Variants in CCDC18 observed in about 807,000 individuals in gnomAD.
CCDC18 encodes the protein coiled-coil domain containing 18, also known as coiled-coil domain-containing protein 18.
CCDC18 carries 157 observed loss-of-function variants against 196.0 expected under a neutral mutation model. The ratio of observed to expected loss-of-function variants is 0.80; its 90% CI spans 0.70 to 0.91. The LOEUF is 0.91. Among genes scored for constraint, CCDC18 ranks in the 40% least tolerant of loss-of-function variants. The pLI, the probability that CCDC18 is intolerant of heterozygous loss-of-function variation, is 0.00. For missense variants in CCDC18, 1,465 were observed against 1,611.6 expected (o/e 0.91, Z 1.56); for synonymous variants, 482 against 529.2 (o/e 0.91, Z 1.22).
At chr1:93,183,518 AG>A (rs770143172) in intron 2 of CCDC18, 23 bp downstream of exon 2, 2 of 1,557,324 alleles carry the variant, frequency 1.3e-6, no homozygotes, top group Non-Finnish European at 1.7e-6. Flanking sequence ...AATCACATAT[AG>A]AATTCACTGT....
intron 14 of CCDC18, 23 bp from the exon 15 acceptor site, chr1:93,221,586 G>T: frequency 1.4e-6 from 2 of 1,437,136 alleles, no homozygotes; most frequent in South Asian, 1.5e-5. Flanking sequence ...TATTTAATAT[G>T]AAAATTCTGT....
chr1:93,239,846 A>G lies in CCDC18; in HGVS notation c.2931A>G (p.Leu977=). 6.2e-7 allele frequency: 1 copy of G among 1,613,226 alleles called. No individual in the cohort carries two copies. The highest frequency in any genetic ancestry group is 8.5e-7 in the Non-Finnish European group (1 of 1,179,416). The change falls in exon 21 of 29, where the codon TTA becomes TTG. Residue 977 remains leucine, a synonymous_variant. Coordinates refer to ENST00000690025, the MANE Select transcript of CCDC18 (RefSeq NM_001378204.1). ...GAGATGTACTACAGAAGGCTCAATTATCATTAGAGGAAAAATACACTACTA... is the reference window on the plus strand; with the variant it reads ...GAGATGTACTACAGAAGGCTCAATTGTCATTAGAGGAAAAATACACTACTA... The part of the protein sequence containing the change: ...ELRDVLQKAQ[L]SLEEKYTTIK...
chr1:93,235,090 G>T (rs1025523931), intron 18 of CCDC18, among the ~76,000 whole-genome samples: 1 of 151,184 alleles, frequency 6.6e-6, no homozygotes, highest in Non-Finnish European at 1.5e-5. Context: ...CTCCCAAAGT[G>T]CTGGGATTAT....
At chr1:93,221,838 T>C (rs77100127) in intron 15 of CCDC18, 21 bp from the exon 16 acceptor site, 164,065 of 1,587,324 alleles carry the variant, frequency 0.1, 10,943 homozygotes, top group East Asian at 0.29. Context: ...TGCATACTTA[T>C]ACTTTTCTTA....
At chr1:93,224,702 G>A (rs1232235820) in intron 16 of CCDC18, among the ~76,000 whole-genome samples, 1 of 152,222 alleles carries the variant, frequency 6.6e-6, no homozygotes, top group Non-Finnish European at 1.5e-5. Flanking sequence ...GTGAGTCTTT[G>A]AGGCCATGTG....
At chr1:93,199,323 T>A (rs1571386190) in intron 6 of CCDC18, among the ~76,000 whole-genome samples, 1 of 152,182 alleles carries the variant, frequency 6.6e-6, no homozygotes, top group Admixed American at 6.5e-5. Flanking sequence ...CCGGCTGTGG[T>A]GGTGTGAGCA....
intron 9 of CCDC18, 23 bp from the exon 10 acceptor site, chr1:93,210,777 CAT>C: frequency 2.6e-6 from 4 of 1,545,454 alleles, no homozygotes; most frequent in Non-Finnish European, 3.6e-6. Context: ...CATAAGTTTA[CAT>C]ATGTTTGTTT....
chr1:93,262,577 G>C (rs1418101319), intron 26 of CCDC18, among the ~76,000 whole-genome samples: 1 of 152,182 alleles, frequency 6.6e-6, no homozygotes, highest in Non-Finnish European at 1.5e-5. Context: ...CTGATGCAAG[G>C]GGTGGACTCC....
chr1:93,222,082 A>T, intron 16 of CCDC18, 146 bp downstream of exon 16: 1 of 557,778 alleles, frequency 1.8e-6, no homozygotes. Flanking sequence ...TAATCCTCCC[A>T]CATGAGCCTC....
intron 14 of CCDC18, among the ~76,000 whole-genome samples, chr1:93,219,602 T>C (rs1046696357): frequency 2.0e-5 from 3 of 152,236 alleles, no homozygotes; most frequent in African/African-American, 7.2e-5. Flanking sequence ...GAGCTGGACA[T>C]AGTGGGACGT....
chr1:93,236,202 A>AT, intron 18 of CCDC18, 46 bp from the exon 19 acceptor site: 3 of 1,485,496 alleles, frequency 2.0e-6, no homozygotes, highest in Non-Finnish European at 2.7e-6. Context: ...TTATAAAAGT[A>AT]TTTTTCTTCT....
intron 26 of CCDC18, among the ~76,000 whole-genome samples, chr1:93,263,575 C>T (rs1047600005): frequency 2.6e-5 from 4 of 152,184 alleles, no homozygotes; most frequent in Non-Finnish European, 5.9e-5. Flanking sequence ...CAATAAGTTT[C>T]TCATCTCCAT....
At chr1:93,206,749 G>A (rs901590282) in intron 8 of CCDC18, among the ~76,000 whole-genome samples, 1 of 152,102 alleles carries the variant, frequency 6.6e-6, no homozygotes, top group Non-Finnish European at 1.5e-5. Context: ...TGTTGATAAT[G>A]TGAAATGCTA....
chr1:93,202,809 T>G (rs549312801), intron 7 of CCDC18, among the ~76,000 whole-genome samples: 1 of 152,304 alleles, frequency 6.6e-6, no homozygotes, highest in East Asian at 1.9e-4. Context: ...TCTAGTAAGA[T>G]TGACAAGTAT....
upstream of CCDC18, chr1:93,180,438 C>A (rs539867594): frequency 2.1e-5 from 27 of 1,310,646 alleles, no homozygotes; most frequent in African/African-American, 3.5e-4. Flanking sequence ...CTGGGCGGGG[C>A]TAGCAGTCCT....
In CCDC18 at chr1:93,186,622, T is replaced by C. The variant is rs540709067; in HGVS notation, c.462+119T>C. 5 of 671,676 alleles carry C rather than the reference T, an allele frequency of 7.4e-6. No individual in the cohort carries two copies. In the East Asian group the frequency reaches 1.1e-4, roughly 15 times the overall value. 41.6% of individuals were successfully genotyped at this position (671,676 alleles called of 1,614,324 possible). ...AATGTGTTATGGGAAGTAATTTTCATTATAATACTATAGTATCAACATGTT... is the reference window on the plus strand; with the variant it reads ...AATGTGTTATGGGAAGTAATTTTCACTATAATACTATAGTATCAACATGTT... On this transcript the variant is annotated intron_variant, in intron 4 of 28. Coordinates refer to ENST00000690025, the MANE Select transcript of CCDC18 (RefSeq NM_001378204.1).
chr1:93,228,518 A>C (rs576376995), intron 17 of CCDC18, among the ~76,000 whole-genome samples: 4 of 152,244 alleles, frequency 2.6e-5, no homozygotes, highest in East Asian at 3.9e-4. Context: ...AAAAAAAAAA[A>C]AAAAAACTTC....
In CCDC18 at chr1:93,239,408, A is replaced by G. The variant is rs1447019272; in HGVS notation, c.2702A>G (p.His901Arg). Residue 901 changes from histidine (H) to arginine (R), a missense_variant, in exon 20 of 29, where the codon CAC becomes CGC. By Grantham distance (29) the His-to-Arg change is conservative. Transcript: ENST00000690025. Reference protein sequence around the residue: ...LKRDGENKAMHLSQLDMILDQ... With the variant: ...LKRDGENKAMRLSQLDMILDQ... ...CGAGATGGAGAAAATAAAGCAATGCACCTCTCTCAATTAGATATGATCTTA... is the reference window on the plus strand; with the variant it reads ...CGAGATGGAGAAAATAAAGCAATGCGCCTCTCTCAATTAGATATGATCTTA... The G allele has an allele frequency of 8.7e-6, 14 of 1,613,276 alleles. No individual in the cohort carries two copies. The South Asian group carries it at 1.3e-4, about 15-fold the overall frequency.
chr1:93,254,862 T>C (rs1247578605), intron 24 of CCDC18, among the ~76,000 whole-genome samples: 3 of 151,256 alleles, frequency 2.0e-5, no homozygotes, highest in Non-Finnish European at 4.4e-5. Flanking sequence ...ATCTTTCATA[T>C]AGTAAATCTA....
Sources: allele counts gnomAD v4.1 joint callset (sites outside exome capture counted in the v4.1 genomes callset), GRCh38; gene constraint gnomAD v4.1.1; transcripts MANE v1.5; gene names NCBI Gene and HGNC (gene_info 2026-07-23, HGNC 2026-07-21).